Variants in C3orf22 observed in about 807,000 individuals in gnomAD.
C3orf22 encodes chromosome 3 open reading frame 22.
A neutral mutation model predicts 10.8 loss-of-function variants in C3orf22; 7 were observed. The observed-to-expected ratio is 0.65, with a 90% CI of 0.37 to 1.22. The LOEUF (loss-of-function observed/expected upper bound fraction) is 1.22, where lower values mean the gene tolerates loss of function less well. Ranked by LOEUF, C3orf22 falls within the 50% of genes most tolerant of loss-of-function variation. The probability of loss-of-function intolerance (pLI) is 0.02; values close to 1 mark genes in which losing one functional copy is unlikely to be tolerated. For synonymous variants in C3orf22, 79 were observed against 78.9 expected (o/e 1.00, Z 0.00); for missense variants, 173 against 177.0 (o/e 0.98, Z 0.13).
rs761726062 is a variant in C3orf22 at position 126,549,755 on chromosome 3, C to T, written c.*113G>A. The stretch of plus-strand genomic sequence containing the variant: ...TTTTGGGGGGACCACAAACCACTCC[C>T]GGTCTATGATGGCCATGAAGGCTGA... On this transcript the variant is annotated 3_prime_UTR_variant, in exon 4 of 4. Transcript: ENST00000318225. 2.2e-4 allele frequency: 333 copies of T among 1,506,846 alleles called. No individual in the cohort carries two copies. The highest frequency in any genetic ancestry group is 2.7e-4 in the Non-Finnish European group (310 of 1,127,836). 93.3% of individuals were successfully genotyped at this position (1,506,846 alleles called of 1,614,324 possible). A position where few individuals can be genotyped will look rare whatever the true frequency, so the allele number is the denominator to read the frequency against.
At chr3:126,548,155 C>T (rs1255389418), downstream of C3orf22, among the ~76,000 whole-genome samples, 1 of 152,202 alleles carries the variant, frequency 6.6e-6, no homozygotes, top group Non-Finnish European at 1.5e-5. Flanking sequence ...CCACCATGCC[C>T]AGCTAATTTT....
chr3:126,530,693 C>T (rs966290947), intron 4 of C3orf22, among the ~76,000 whole-genome samples: 1 of 152,272 alleles, frequency 6.6e-6, no homozygotes, highest in Non-Finnish European at 1.5e-5. Context: ...ACCAGCATGA[C>T]CAGCCAACAT....
At chr3:126,552,712 T>C (rs1937223964) in intron 2 of C3orf22, among the ~76,000 whole-genome samples, 1 of 151,802 alleles carries the variant, frequency 6.6e-6, no homozygotes, top group South Asian at 2.1e-4. Context: ...GCTTCTGGGG[T>C]GGGGGGTGAG....
intron 4 of C3orf22, chr3:126,542,061 T>A (rs770153640): frequency 6.3e-7 from 1 of 1,581,834 alleles, no homozygotes; most frequent in Non-Finnish European, 8.6e-7. Flanking sequence ...TACTTGGCCT[T>A]CCTGTTCGTG....
chr3:126,542,121 GC>G, intron 4 of C3orf22: 1 of 1,573,304 alleles, frequency 6.4e-7, no homozygotes, highest in African/African-American at 1.4e-5. Context: ...AAGCTCGCGC[GC>G]CCCTACAGCG....
downstream of C3orf22, among the ~76,000 whole-genome samples, chr3:126,549,258 C>A (rs979539534): frequency 4.8e-5 from 7 of 146,338 alleles, no homozygotes; most frequent in African/African-American, 1.9e-4. Flanking sequence ...CACGCCCCCC[C>A]CCCCACACAC....
intron 1 of C3orf22, 36 bp from the exon 2 acceptor site, chr3:126,553,466 G>GGGGC: frequency 7.8e-7 from 1 of 1,285,278 alleles, no homozygotes; most frequent in Non-Finnish European, 1.1e-6. Context: ...GGGGGCAGGG[G>GGGGC]TGGTGGGGGG....
At chr3:126,553,556 A>G (rs1937255619) in intron 1 of C3orf22, 126 bp from the exon 2 acceptor site, 2 of 651,592 alleles carry the variant, frequency 3.1e-6, no homozygotes, top group Non-Finnish European at 5.5e-6. Context: ...TGCCCTGTGC[A>G]TGCACCGCTG....
intron 4 of C3orf22, among the ~76,000 whole-genome samples, chr3:126,531,926 A>G (rs78882923): frequency 0.01 from 1,543 of 152,340 alleles, 24 homozygotes; most frequent in African/African-American, 0.033. Flanking sequence ...CCCCACCAGC[A>G]ATATATGAGG....
At chr3:126,545,439 T>G (rs1197530856), downstream of C3orf22, among the ~76,000 whole-genome samples, 1 of 152,366 alleles carries the variant, frequency 6.6e-6, no homozygotes, top group Admixed American at 6.5e-5. Flanking sequence ...TCTGCAGTTA[T>G]GGGGTAGGGC....
chr3:126,553,605 C>T (rs531313221), intron 1 of C3orf22, among the ~76,000 whole-genome samples, 175 bp from the exon 2 acceptor site: 4 of 152,254 alleles, frequency 2.6e-5, no homozygotes, highest in African/African-American at 9.6e-5. Flanking sequence ...CTGTGACCAC[C>T]GTAATCAAGG....
intron 1 of C3orf22, among the ~76,000 whole-genome samples, chr3:126,554,444 A>C (rs1937279259): frequency 6.6e-6 from 1 of 151,970 alleles, no homozygotes; most frequent in Non-Finnish European, 1.5e-5. Context: ...TTGTATTTTT[A>C]GTAGAGACGG....
At chr3:126,541,883 T>C in intron 4 of C3orf22, 4 of 1,600,082 alleles carry the variant, frequency 2.5e-6, no homozygotes, top group Non-Finnish European at 3.4e-6. Flanking sequence ...GCTCTACTGC[T>C]ACGTGCCCAA....
intron 3 of C3orf22, among the ~76,000 whole-genome samples, chr3:126,551,703 G>A (rs1937190638): frequency 1.3e-5 from 2 of 152,188 alleles, no homozygotes; most frequent in African/African-American, 4.8e-5. Flanking sequence ...GGAGGACTTG[G>A]CTAAACTCCT....
At chr3:126,536,886 CACACACACAA>C (rs1204007985) in intron 4 of C3orf22, among the ~76,000 whole-genome samples, 1 of 129,120 alleles carries the variant, frequency 7.7e-6, no homozygotes, top group African/African-American at 3.5e-5. Context: ...CTTTCTCACA[CACACACACAA>C]ACACACACAC....
intron 4 of C3orf22, among the ~76,000 whole-genome samples, chr3:126,530,228 G>A (rs1269572919): frequency 6.6e-6 from 1 of 152,242 alleles, no homozygotes; most frequent in Non-Finnish European, 1.5e-5. Flanking sequence ...GCCCAGCCCT[G>A]TAATCACTGG....
At chr3:126,535,267 C>G (rs1378783282) in intron 4 of C3orf22, among the ~76,000 whole-genome samples, 1 of 149,430 alleles carries the variant, frequency 6.7e-6, no homozygotes, top group East Asian at 2.0e-4. Flanking sequence ...AGACAGACAG[C>G]ATCACTGTCC....
intron 4 of C3orf22, chr3:126,536,123 C>T (rs1352022772): frequency 1.2e-4 from 78 of 629,868 alleles, no homozygotes; most frequent in Non-Finnish European, 1.6e-4. Flanking sequence ...ATCCCCCACT[C>T]CACCAAGCCC....
At chr3:126,536,790 G>C (rs558043061) in intron 4 of C3orf22, among the ~76,000 whole-genome samples, 3 of 151,464 alleles carry the variant, frequency 2.0e-5, no homozygotes, top group Admixed American at 6.6e-5. Context: ...TCAGCTGGGG[G>C]CCTGCAGGGA....
Sources: gnomAD v4.1 joint callset for allele counts (sites outside exome capture counted in the v4.1 genomes callset) on GRCh38, gnomAD v4.1.1 for gene constraint, MANE v1.5 for transcripts, NCBI Gene and HGNC (gene_info 2026-07-23, HGNC 2026-07-21) for gene names.